Variants in SYN3 observed in about 807,000 individuals in gnomAD.
The protein encoded by SYN3 is synapsin III, also known as synapsin-3.
A neutral mutation model predicts 65.8 loss-of-function variants in SYN3; 35 were observed. The observed-to-expected ratio is 0.53, with a 90% CI of 0.41 to 0.70. The LOEUF (loss-of-function observed/expected upper bound fraction) is 0.70. SYN3 is among the 30% of genes least tolerant of loss of function. The probability of loss-of-function intolerance (pLI) is 0.00; values close to 1 mark genes in which losing one functional copy is unlikely to be tolerated. For missense variants in SYN3, 680 were observed against 749.0 expected, an observed-to-expected ratio of 0.91 and a Z score of 1.08; for synonymous variants, 270 against 292.9, an observed-to-expected ratio of 0.92 and a Z score of 0.80.
chr22:32,752,609 C>A (rs908320717), intron 6 of SYN3, among the ~76,000 whole-genome samples: 15 of 152,246 alleles, frequency 9.9e-5, no homozygotes, highest in Non-Finnish European at 1.6e-4. Flanking sequence ...GCTCTGCTGT[C>A]CCTGTCCAGG....
At chr22:32,753,088 G>A (rs1042318791) in intron 6 of SYN3, among the ~76,000 whole-genome samples, 4 of 152,122 alleles carry the variant, frequency 2.6e-5, no homozygotes, top group Non-Finnish European at 4.4e-5. Context: ...GCCCCTCGGG[G>A]CCCCTGAGGA....
chr22:32,568,826 G>T (rs184930198), intron 7 of SYN3, among the ~76,000 whole-genome samples: 164 of 152,294 alleles, frequency 1.1e-3, no homozygotes, highest in Admixed American at 4.2e-3. Context: ...AGTTTGCAAA[G>T]ACTTTGAAAG....
chr22:32,831,146 T>G (rs1445317015), intron 6 of SYN3, among the ~76,000 whole-genome samples: 1 of 152,142 alleles, frequency 6.6e-6, no homozygotes, highest in Non-Finnish European at 1.5e-5. Context: ...GCGTGACCCT[T>G]ATGCCTCAAG....
chr22:32,632,438 G>T (rs2059759954), intron 6 of SYN3, among the ~76,000 whole-genome samples: 1 of 150,888 alleles, frequency 6.6e-6, no homozygotes, highest in African/African-American at 2.5e-5. Flanking sequence ...AACAAGACAT[G>T]TTTGTGAGTG....
rs1349443230 is a variant in SYN3, at chr22:32,807,649, A to G, written c.711+57266T>C. 2.0e-5 allele frequency among the ~76,000 whole-genome samples: 3 copies of G among 150,678 alleles called. 1 individual carries two copies. Among genetic ancestry groups the G allele is most frequent in the South Asian group, 2.1e-4 (1 of 4,804 alleles). Reference sequence around the variant, plus strand: ...AAAATGAGGTAACTCGTTTAAGGTTATACTGCTAGCAAGGAATACAGCCTG... The same window carrying G: ...AAAATGAGGTAACTCGTTTAAGGTTGTACTGCTAGCAAGGAATACAGCCTG... On this transcript the variant is annotated intron_variant, in intron 6 of 13. Coordinates refer to ENST00000358763, the MANE Select transcript of SYN3 (RefSeq NM_003490.4).
At chr22:32,957,768 G>C (rs935340308) in intron 3 of SYN3, among the ~76,000 whole-genome samples, 9 of 152,180 alleles carry the variant, frequency 5.9e-5, no homozygotes, top group African/African-American at 2.2e-4. Context: ...GGGAGCCCAA[G>C]GGCCACTTTG....
chr22:32,573,230 C>A (rs1041336836), intron 7 of SYN3, among the ~76,000 whole-genome samples: 4 of 152,156 alleles, frequency 2.6e-5, no homozygotes, highest in African/African-American at 9.7e-5. Flanking sequence ...GCACAAATGG[C>A]TTGATTGTCA....
intron 6 of SYN3, among the ~76,000 whole-genome samples, chr22:32,603,413 G>A (rs981641291): frequency 6.6e-6 from 1 of 151,256 alleles, no homozygotes; most frequent in South Asian, 2.1e-4. Context: ...CCAGCTACTA[G>A]GGAGGCTGAG....
At chr22:32,975,895 C>A (rs576046444) in intron 3 of SYN3, among the ~76,000 whole-genome samples, 44 of 152,300 alleles carry the variant, frequency 2.9e-4, no homozygotes, top group Admixed American at 2.2e-3. Flanking sequence ...GAATTAACAT[C>A]CAACTTACAC....
chr22:32,869,330 TTCTCTC>T (rs59752570), intron 4 of SYN3, among the ~76,000 whole-genome samples: 37 of 121,028 alleles, frequency 3.1e-4, no homozygotes, highest in Middle Eastern at 4.5e-3. Flanking sequence ...ACTATATATA[TTCTCTC>T]TCTCTCTCTC....
intron 6 of SYN3, among the ~76,000 whole-genome samples, chr22:32,749,400 G>T (rs751687801): frequency 4.1e-5 from 6 of 148,032 alleles, no homozygotes; most frequent in Non-Finnish European, 8.9e-5. Flanking sequence ...CCAGCACTTT[G>T]GGAGGCCAAG....
At chr22:32,922,181 G>A (rs1451747757) in intron 4 of SYN3, among the ~76,000 whole-genome samples, 1 of 152,124 alleles carries the variant, frequency 6.6e-6, no homozygotes, top group Non-Finnish European at 1.5e-5. Context: ...CTCTTGCATG[G>A]CATTCATAGT....
chr22:32,695,508 TG>T (rs1248005216), intron 6 of SYN3, among the ~76,000 whole-genome samples: 1 of 152,232 alleles, frequency 6.6e-6, no homozygotes, highest in Non-Finnish European at 1.5e-5. Context: ...TGCTCTTCCC[TG>T]GGGACACATT....
rs576189682 is a variant in SYN3, at chr22:32,837,993, C to A, written c.711+26922G>T. 1.3e-5 allele frequency among the ~76,000 whole-genome samples: 2 copies of A among 152,350 alleles called. No individual in the cohort carries two copies. Among genetic ancestry groups the A allele is most frequent in the East Asian group, 3.9e-4 (2 of 5,180 alleles). On this transcript the variant is annotated intron_variant, in intron 6 of 13. Transcript: ENST00000358763. This position sits in a 1 kb window ranked among gnomAD's most constrained non-coding sequence, Gnocchi z 4.1. ...GTCTCTAGTGATTCTCTGATCCCAG[C>A]TCAGGCAGGATGTCTCCCTCCGGCG...
intron 2 of SYN3, among the ~76,000 whole-genome samples, chr22:33,000,739 C>G (rs1480628529): frequency 6.6e-6 from 1 of 152,182 alleles, no homozygotes; most frequent in Non-Finnish European, 1.5e-5. Flanking sequence ...AGAAGGGGGC[C>G]CTGTGAGCTG....
chr22:32,833,074 T>C (rs1286884739), intron 6 of SYN3, among the ~76,000 whole-genome samples: 1 of 152,158 alleles, frequency 6.6e-6, no homozygotes, highest in African/African-American at 2.4e-5. Flanking sequence ...TAGAAGTACT[T>C]AAATAGATGA....
chr22:32,587,222 C>CAAAAA (rs11341864), intron 7 of SYN3, among the ~76,000 whole-genome samples: 10 of 86,440 alleles, frequency 1.2e-4, no homozygotes, highest in South Asian at 4.2e-4. Context: ...GCTCTTATCT[C>CAAAAA]AAAAAAAAAA....
chr22:32,744,783 AG>A (rs2044875476), intron 6 of SYN3, among the ~76,000 whole-genome samples: 1 of 152,160 alleles, frequency 6.6e-6, no homozygotes, highest in Admixed American at 6.5e-5. Context: ...GGGCAAGCTC[AG>A]GAACAATGAT....
At chr22:32,550,084 T>A (rs193275687) in intron 7 of SYN3, among the ~76,000 whole-genome samples, 202 of 152,210 alleles carry the variant, frequency 1.3e-3, no homozygotes, top group African/African-American at 4.7e-3. Flanking sequence ...AGAAAGAATT[T>A]CCTGAAAACA....
Sources: gnomAD v4.1 joint callset for allele counts (sites outside exome capture counted in the v4.1 genomes callset) on GRCh38, gnomAD v4.1.1 for gene constraint, Gnocchi (gnomAD v3.1) non-coding constraint, MANE v1.5 for transcripts, NCBI Gene and HGNC (gene_info 2026-07-23, HGNC 2026-07-21) for gene names.